The following RTL4 variants were observed in gnomAD, a reference collection of about 807,000 sequenced individuals.
The protein encoded by RTL4 is retrotransposon Gag-like protein 4.
RTL4 carries 4 observed loss-of-function variants against 5.3 expected under a neutral mutation model. The ratio of observed to expected loss-of-function variants is 0.75; its 90% CI spans 0.37 to 1.72. The LOEUF is 1.72. Ranked by LOEUF, RTL4 falls within the 40% of genes most tolerant of loss-of-function variation. RTL4 has a pLI of 0.04. For missense variants in RTL4, 260 were observed against 227.1 expected (o/e 1.14, Z -0.93); for synonymous variants, 98 against 87.3 (o/e 1.12, Z -0.68).
At chrX:112,113,695 C>T in the RTL4 span, among the ~76,000 whole-genome samples, 3 of 111,773 alleles carry the variant, frequency 2.7e-5, no homozygotes, top group East Asian at 2.8e-4. Flanking sequence ...TGGGGCAGTG[C>T]GCCTTCTAGT....
chrX:112,141,362 T>G, the RTL4 span, among the ~76,000 whole-genome samples: 1 of 111,807 alleles, frequency 8.9e-6, no homozygotes, highest in Non-Finnish European at 1.9e-5. Context: ...TATCCACAAA[T>G]AAAAGATAGT....
the RTL4 span, among the ~76,000 whole-genome samples, chrX:112,333,181 T>C: frequency 1.8e-5 from 2 of 110,794 alleles, no homozygotes; most frequent in Non-Finnish European, 3.8e-5. Context: ...CGTCCTTTAA[T>C]CTAAAGTGAC....
chrX:112,123,401 A>T, the RTL4 span, among the ~76,000 whole-genome samples: 1 of 112,383 alleles, frequency 8.9e-6, no homozygotes, highest in African/African-American at 3.2e-5. Flanking sequence ...TTCTATAAAA[A>T]TGTGTCACAT....
At chrX:112,446,880 T>C in the RTL4 span, among the ~76,000 whole-genome samples, 2 of 111,257 alleles carry the variant, frequency 1.8e-5, no homozygotes, top group African/African-American at 6.5e-5. Flanking sequence ...AAAGAAGAGA[T>C]AGTGAATGGG....
chrX:112,257,891 A>G, the RTL4 span, among the ~76,000 whole-genome samples: 9 of 94,778 alleles, frequency 9.5e-5, no homozygotes, highest in Non-Finnish European at 1.1e-4. Flanking sequence ...ATATATGTGT[A>G]TATATATATA....
chrX:112,213,465 G>C, the RTL4 span, among the ~76,000 whole-genome samples: 1 of 112,442 alleles, frequency 8.9e-6, no homozygotes, highest in African/African-American at 3.2e-5. Context: ...GACAAGGTCT[G>C]CTATACTTGG....
the RTL4 span, among the ~76,000 whole-genome samples, chrX:112,144,243 C>A: frequency 2.7e-5 from 3 of 111,351 alleles, no homozygotes; most frequent in African/African-American, 9.8e-5. Context: ...TGCCTCTAGT[C>A]GCTCCTTTTA....
At chrX:112,126,210 G>C in the RTL4 span, among the ~76,000 whole-genome samples, 1 of 111,601 alleles carries the variant, frequency 9.0e-6, no homozygotes, top group Non-Finnish European at 1.9e-5. Flanking sequence ...ATTTGCAATT[G>C]AATTTATCAC....
the RTL4 span, among the ~76,000 whole-genome samples, chrX:112,377,503 C>T: frequency 3.6e-5 from 4 of 111,779 alleles, no homozygotes; most frequent in Non-Finnish European, 7.5e-5. Flanking sequence ...AGTATTGTGC[C>T]ACATATCACT....
chrX:112,211,269 G>A, the RTL4 span, among the ~76,000 whole-genome samples: 12 of 111,849 alleles, frequency 1.1e-4, 1 homozygote, highest in Admixed American at 7.6e-4. Context: ...CTTAGAAAGA[G>A]GACTAATTAA....
chrX:112,218,705 G>A, the RTL4 span, among the ~76,000 whole-genome samples: 28 of 111,053 alleles, frequency 2.5e-4, no homozygotes, highest in African/African-American at 5.9e-4. Context: ...TCAATAGCCC[G>A]TAAGACTATT....
chrX:112,201,584 A>C, the RTL4 span, among the ~76,000 whole-genome samples: 1 of 110,343 alleles, frequency 9.1e-6, no homozygotes, highest in Non-Finnish European at 1.9e-5. Flanking sequence ...AGGAGGACTG[A>C]AGAGCACCTA....
At chrX:112,097,623 G>A in the RTL4 span, among the ~76,000 whole-genome samples, 80 of 111,469 alleles carry the variant, frequency 7.2e-4, 1 homozygote, top group Non-Finnish European at 1.4e-3. Context: ...GTGACAGACC[G>A]AGAAAGAGAA....
the RTL4 span, among the ~76,000 whole-genome samples, chrX:112,429,456 G>A: frequency 7.2e-5 from 8 of 110,513 alleles, no homozygotes; most frequent in African/African-American, 2.3e-4. Context: ...TTATAATAAC[G>A]AAATATTCCT....
At chrX:112,388,838 A>G in the RTL4 span, among the ~76,000 whole-genome samples, 1 of 111,664 alleles carries the variant, frequency 9.0e-6, no homozygotes, top group Non-Finnish European at 1.9e-5. Flanking sequence ...GGATTTTTGC[A>G]TCGATGTTCA....
At chrX:112,216,072 T>C in the RTL4 span, among the ~76,000 whole-genome samples, 3 of 111,948 alleles carry the variant, frequency 2.7e-5, no homozygotes, top group Non-Finnish European at 5.6e-5. Context: ...TTTTCTTTCA[T>C]TGTATAAATA....
chrX:112,234,813 A>G, the RTL4 span, among the ~76,000 whole-genome samples: 1 of 112,221 alleles, frequency 8.9e-6, no homozygotes, highest in Non-Finnish European at 1.9e-5. Context: ...GACTTGATTT[A>G]TCACTGTCAA....
chrX:112,398,065 A>G, the RTL4 span, among the ~76,000 whole-genome samples: 1 of 111,610 alleles, frequency 9.0e-6, no homozygotes, highest in African/African-American at 3.3e-5. Flanking sequence ...TCTTAGGGTA[A>G]TATTAGGGGG....
the RTL4 span, among the ~76,000 whole-genome samples, chrX:112,133,057 T>G: frequency 8.9e-6 from 1 of 112,089 alleles, no homozygotes; most frequent in African/African-American, 3.2e-5. Flanking sequence ...AAAATTTTGA[T>G]GAGGCCTTGT....
Sources: gnomAD v4.1 joint callset for allele counts (sites outside exome capture counted in the v4.1 genomes callset) on GRCh38, gnomAD v4.1.1 for gene constraint, MANE v1.5 for transcripts, NCBI Gene and HGNC (gene_info 2026-07-23, HGNC 2026-07-21) for gene names.